CTNNA2: variants seen among roughly 807,000 people sequenced by gnomAD.
The protein encoded by CTNNA2 is catenin alpha 2.
In CTNNA2, 42 loss-of-function variants were observed where a neutral mutation model predicts 101.0. The ratio of observed to expected loss-of-function variants is 0.42; its 90% CI spans 0.32 to 0.54. CTNNA2 has a LOEUF of 0.54. CTNNA2 is among the 20% of genes least tolerant of loss of function. The pLI is 0.14. For missense variants in CTNNA2, 871 were observed against 1,223.1 expected, an observed-to-expected ratio of 0.71 and a Z score of 4.29; for synonymous variants, 450 against 456.4, an observed-to-expected ratio of 0.99 and a Z score of 0.18.
At chr2:79,843,020 C>T (rs1322784220) in intron 3 of CTNNA2, among the ~76,000 whole-genome samples, 1 of 152,162 alleles carries the variant, frequency 6.6e-6, no homozygotes, top group East Asian at 1.9e-4. Context: ...GATATAATCT[C>T]TAACTACATC....
intron 9 of CTNNA2, among the ~76,000 whole-genome samples, chr2:80,520,874 G>C (rs1477878990): frequency 1.3e-5 from 2 of 152,152 alleles, no homozygotes; most frequent in South Asian, 2.1e-4. Context: ...CAGTAAAAAA[G>C]AGTGGTATTT....
intron 1 of CTNNA2, among the ~76,000 whole-genome samples, chr2:79,573,585 C>G (rs757609770): frequency 6.6e-6 from 1 of 152,226 alleles, no homozygotes; most frequent in Non-Finnish European, 1.5e-5. Context: ...ATGAGGGACT[C>G]ACATTTCCAA....
At chr2:80,239,580 G>T (rs1709734210) in intron 7 of CTNNA2, among the ~76,000 whole-genome samples, 1 of 151,780 alleles carries the variant, frequency 6.6e-6, no homozygotes, top group African/African-American at 2.4e-5. Flanking sequence ...TATAAATCGG[G>T]TACAGTAAAA....
intron 7 of CTNNA2, among the ~76,000 whole-genome samples, chr2:80,268,237 G>A (rs1424143892): frequency 1.3e-5 from 2 of 152,220 alleles, no homozygotes; most frequent in Non-Finnish European, 2.9e-5. Flanking sequence ...TATAACCCGA[G>A]AATAGAAAGG....
intron 3 of CTNNA2, among the ~76,000 whole-genome samples, chr2:79,829,973 T>TA (rs1678801973): frequency 6.6e-6 from 1 of 152,104 alleles, no homozygotes; most frequent in Non-Finnish European, 1.5e-5. Flanking sequence ...CATTTAATGA[T>TA]ATCAAGTTTT....
intron 2 of CTNNA2, among the ~76,000 whole-genome samples, chr2:79,688,760 G>A (rs1367550539): frequency 6.6e-6 from 1 of 152,000 alleles, no homozygotes; most frequent in African/African-American, 2.4e-5. Context: ...GAAGAGCTTC[G>A]GGCAGTTTCA....
At chr2:79,390,994 G>A (rs1276391521) in intron 4 of CTNNA2, among the ~76,000 whole-genome samples, 1 of 152,034 alleles carries the variant, frequency 6.6e-6, no homozygotes, top group Non-Finnish European at 1.5e-5. Context: ...TAAAAAGGTA[G>A]AAAAAAAGAG....
intron 7 of CTNNA2, among the ~76,000 whole-genome samples, chr2:79,914,822 G>T (rs1435926056): frequency 1.3e-5 from 2 of 151,684 alleles, no homozygotes; most frequent in African/African-American, 2.4e-5. Context: ...GATCCCTGGG[G>T]TTAACAATTT....
chr2:80,547,146 A>G (rs1220383047), intron 11 of CTNNA2, among the ~76,000 whole-genome samples: 1 of 152,214 alleles, frequency 6.6e-6, no homozygotes, highest in Non-Finnish European at 1.5e-5. Context: ...CGGAAGAAAC[A>G]TAATAAATTC....
chr2:79,551,819 A>T (rs1197997321), intron 1 of CTNNA2, among the ~76,000 whole-genome samples: 1 of 152,152 alleles, frequency 6.6e-6, no homozygotes, highest in Non-Finnish European at 1.5e-5. Context: ...ACACTTTTAA[A>T]CAACCAGATC....
At chr2:80,550,435 C>T (rs888679524) in intron 11 of CTNNA2, among the ~76,000 whole-genome samples, 29 of 152,290 alleles carry the variant, frequency 1.9e-4, no homozygotes, top group Middle Eastern at 3.4e-3. Flanking sequence ...CGTTGATTGA[C>T]TATTCCTTTA....
At chr2:79,661,719 G>T (rs922564707) in intron 2 of CTNNA2, among the ~76,000 whole-genome samples, 4 of 152,136 alleles carry the variant, frequency 2.6e-5, no homozygotes, top group Non-Finnish European at 4.4e-5. Context: ...ACTGACCACA[G>T]ATAATCCTTG....
intron 4 of CTNNA2, chr2:79,500,592 C>G (rs1671308826): frequency 6.6e-6 from 1 of 152,224 alleles, no homozygotes; most frequent in Non-Finnish European, 1.5e-5. Context: ...CTTCTCTGCT[C>G]TGAAATACTG....
intron 7 of CTNNA2, chr2:80,304,531 C>G (rs1218816708): frequency 6.5e-6 from 1 of 153,290 alleles, no homozygotes; most frequent in Non-Finnish European, 1.5e-5. Context: ...GACCACTGAC[C>G]GGCGCCACCT....
At chr2:79,326,174 A>G (rs982851295) in intron 3 of CTNNA2, among the ~76,000 whole-genome samples, 1 of 152,170 alleles carries the variant, frequency 6.6e-6, no homozygotes, top group African/African-American at 2.4e-5. Flanking sequence ...TACAAAATCT[A>G]TCAATGTCTG....
At chr2:79,682,587 A>G in intron 2 of CTNNA2, among the ~76,000 whole-genome samples, 1 of 152,128 alleles carries the variant, frequency 6.6e-6, no homozygotes, top group East Asian at 1.9e-4. Context: ...AACATTTTAG[A>G]ATGTTCTAAC....
At chr2:80,461,753 C>G (rs1252229327) in intron 9 of CTNNA2, among the ~76,000 whole-genome samples, 1 of 152,146 alleles carries the variant, frequency 6.6e-6, no homozygotes, top group Non-Finnish European at 1.5e-5. Flanking sequence ...TGTGGCCACA[C>G]TTCAGCTAGA....
intron 7 of CTNNA2, among the ~76,000 whole-genome samples, chr2:80,201,673 CCA>C (rs1478752272): frequency 1.3e-5 from 2 of 152,148 alleles, no homozygotes; most frequent in Admixed American, 6.5e-5. Flanking sequence ...CCGTGCCCGG[CCA>C]CAATAATTCT....
chr2:80,406,121 G>T (rs981108918), intron 8 of CTNNA2, among the ~76,000 whole-genome samples: 1 of 152,164 alleles, frequency 6.6e-6, no homozygotes. Flanking sequence ...ATTTTGGGAG[G>T]CCAAGGCGGG....
Sources: allele counts gnomAD v4.1 joint callset (sites outside exome capture counted in the v4.1 genomes callset), GRCh38; gene constraint gnomAD v4.1.1; transcripts MANE v1.5; gene names NCBI Gene and HGNC (gene_info 2026-07-23, HGNC 2026-07-21).